Variants in SLTM observed in about 807,000 individuals in gnomAD.
SLTM encodes the protein SAFB-like transcription modulator.
Under a neutral mutation model 134.6 loss-of-function variants are expected in SLTM, and 43 were observed. The ratio of observed to expected loss-of-function variants is 0.32; its 90% CI spans 0.25 to 0.41. The LOEUF is 0.41. Among genes scored for constraint, SLTM ranks in the 10% least tolerant of loss-of-function variants. SLTM has a pLI of 1.00. For synonymous variants in SLTM, 424 were observed against 432.3 expected (o/e 0.98, Z 0.24); for missense variants, 1,055 against 1,288.8 (o/e 0.82, Z 2.78).
chr15:58,918,374 G>A (rs543417803), intron 2 of SLTM, among the ~76,000 whole-genome samples: 105 of 152,246 alleles, frequency 6.9e-4, no homozygotes, highest in Non-Finnish European at 9.0e-4. Context: ...AGGTTTAGCC[G>A]TTGGAATAAA....
intron 5 of SLTM, among the ~76,000 whole-genome samples, chr15:58,908,545 T>G (rs1238562283): frequency 6.6e-6 from 1 of 152,072 alleles, no homozygotes; most frequent in Non-Finnish European, 1.5e-5. Context: ...TAAAATTTTT[T>G]TTTTATAGAG....
chr15:58,919,425 T>C (rs1317713854), intron 2 of SLTM, among the ~76,000 whole-genome samples: 3 of 151,854 alleles, frequency 2.0e-5, no homozygotes, highest in Non-Finnish European at 4.4e-5. Context: ...GAGATCCCTA[T>C]CTCTTCAAAA....
intron 2 of SLTM, among the ~76,000 whole-genome samples, chr15:58,929,746 G>A (rs1421311601): frequency 6.6e-6 from 1 of 151,606 alleles, no homozygotes; most frequent in Non-Finnish European, 1.5e-5. Flanking sequence ...TTGTAAAATG[G>A]CAGAGAAAAC....
intron 2 of SLTM, among the ~76,000 whole-genome samples, chr15:58,929,542 T>C (rs12916751): frequency 0.66 from 100,263 of 152,086 alleles, 34,053 homozygotes; most frequent in Middle Eastern, 0.79. Context: ...GATATTTTAA[T>C]AAGTTTCCCT....
rs1168163199 is a variant in SLTM at position 58,899,877 on chromosome 15, C to A, written c.650G>T (p.Ser217Ile). ...EVSKPLPSEG[S>I]LAEADHTAHE... ...AGCTGTGTGATCAGCCTCAGCTAGG[C>A]TCCCTTCTGAAGGAAGAGGTTTAGA... Residue 217 changes from serine (S) to isoleucine (I), a missense_variant, in exon 7 of 21, where the codon AGC becomes ATC. By Grantham distance (142) the Ser-to-Ile change is moderately radical. Transcript: ENST00000380516. The surrounding 1 kb of genome is among the most constrained non-coding windows in gnomAD (Gnocchi z 5.0). 6.2e-7 allele frequency: 1 copy of A among 1,614,076 alleles called. No homozygotes were observed. Among genetic ancestry groups the A allele is most frequent in the Non-Finnish European group, 8.5e-7 (1 of 1,179,996 alleles).
At chr15:58,890,507 G>T (rs1233001638) in intron 14 of SLTM, 46 bp from the exon 15 acceptor site, 1 of 1,529,658 alleles carries the variant, frequency 6.5e-7, no homozygotes, top group Non-Finnish European at 8.8e-7. Flanking sequence ...TGCTAGCACT[G>T]TGTGAAAGAG....
At chr15:58,884,811 T>C (rs1377601678) in intron 19 of SLTM, among the ~76,000 whole-genome samples, 2 of 152,022 alleles carry the variant, frequency 1.3e-5, no homozygotes, top group Non-Finnish European at 2.9e-5. Flanking sequence ...ATTTTAATTT[T>C]CCTATGGAGA....
intron 16 of SLTM, 189 bp downstream of exon 16, chr15:58,889,241 G>C: frequency 1.8e-6 from 1 of 566,076 alleles, no homozygotes; most frequent in Non-Finnish European, 3.0e-6. Context: ...AAGGTAGACA[G>C]GGAAAGAAAC....
At chr15:58,901,064 G>A (rs2035455155) in intron 6 of SLTM, 196 bp downstream of exon 6, 6 of 554,032 alleles carry the variant, frequency 1.1e-5, no homozygotes, top group South Asian at 2.1e-5. Flanking sequence ...CTATTAAGTT[G>A]CAATATATCT....
intron 2 of SLTM, among the ~76,000 whole-genome samples, chr15:58,930,842 C>A (rs1214353807): frequency 6.7e-6 from 1 of 150,364 alleles, no homozygotes; most frequent in African/African-American, 2.4e-5. Context: ...GAAATTATTT[C>A]TAATAATAAG....
chr15:58,926,519 A>C (rs761600623), intron 2 of SLTM, among the ~76,000 whole-genome samples: 5 of 152,104 alleles, frequency 3.3e-5, no homozygotes, highest in Admixed American at 6.5e-5. Flanking sequence ...AATTATAAAC[A>C]TGTATATATA....
chr15:58,898,734 G>A (rs898536171), intron 8 of SLTM, 69 bp downstream of exon 8: 45 of 1,186,552 alleles, frequency 3.8e-5, no homozygotes, highest in African/African-American at 2.6e-4. Context: ...AAAACACCGC[G>A]CAACTACTAC....
rs1228527579 is a variant in SLTM at position 58,879,180 on chromosome 15, A to G, written c.*819T>C. On this transcript the variant is annotated 3_prime_UTR_variant, in exon 21 of 21. Transcript: ENST00000380516. Reference sequence around the variant, plus strand: ...TCCACTTCTCAACATAGTTGGGAACATGGAAACATTAATACCCACACAATT... The same window carrying G: ...TCCACTTCTCAACATAGTTGGGAACGTGGAAACATTAATACCCACACAATT... 3 of 152,236 alleles carry G rather than the reference A, an allele frequency of 2.0e-5. No homozygotes were observed. Among genetic ancestry groups the G allele is most frequent in the Non-Finnish European group, 4.4e-5 (3 of 68,046 alleles). The allele number at this position is 152,236 out of a possible 1,614,324, so 9.4% of individuals were successfully genotyped here.
intron 3 of SLTM, among the ~76,000 whole-genome samples, chr15:58,915,134 C>G (rs933075721): frequency 2.7e-4 from 41 of 151,834 alleles, no homozygotes; most frequent in Admixed American, 2.6e-3. Flanking sequence ...GAGGTTGCAG[C>G]GAGCTGACAT....
At chr15:58,920,001 A>T (rs1339868907) in intron 2 of SLTM, among the ~76,000 whole-genome samples, 1 of 152,174 alleles carries the variant, frequency 6.6e-6, no homozygotes, top group Non-Finnish European at 1.5e-5. Context: ...TCTAATAAGG[A>T]GTGGTGAATT....
Position 58,899,189 on chromosome 15 carries a change from AC to A in SLTM, c.1058+279del, listed in dbSNP as rs1360366628. 1 of 453,638 alleles carries A rather than the reference AC, an allele frequency of 2.2e-6. No individual in the cohort carries two copies. Among genetic ancestry groups the A allele is most frequent in the Non-Finnish European group, 3.9e-6 (1 of 259,188 alleles). The allele number at this position is 453,638 out of a possible 1,614,324, so 28.1% of individuals were successfully genotyped here. Reference sequence around the variant, plus strand: ...TCACAAGGATTTTAAAAAATAAAACACAAAAAAATTGTCAATTTGAAAAAAA... The same window carrying A: ...TCACAAGGATTTTAAAAAATAAAACAAAAAAAATTGTCAATTTGAAAAAAA... On this transcript the variant is annotated intron_variant, in intron 7 of 20. Coordinates refer to ENST00000380516, the MANE Select transcript of SLTM (RefSeq NM_024755.4). This position sits in a 1 kb window ranked among gnomAD's most constrained non-coding sequence, Gnocchi z 5.0.
chr15:58,920,665 A>AT (rs2036976563), intron 2 of SLTM, among the ~76,000 whole-genome samples: 10 of 146,772 alleles, frequency 6.8e-5, no homozygotes, highest in African/African-American at 2.5e-4. Context: ...AAATAAATAA[A>AT]AATTTTTTGG....
chr15:58,892,977 A>G lies in SLTM; in HGVS notation c.1818T>C (p.Pro606=). Reference sequence around the variant, plus strand: ...ACCTTTGTTCCTTCATCTTTTCAAAAGGCAAGATCTCTTTCCTTCTGTAGT... The same window carrying G: ...ACCTTTGTTCCTTCATCTTTTCAAAGGGCAAGATCTCTTTCCTTCTGTAGT... ...DKDYRRKEIL[P]FEKMKEQRLR... is the part of the protein sequence containing the mutation. The change falls in exon 14 of 21, where the codon CCT becomes CCC. Residue 606 remains proline (P), a synonymous_variant. Coordinates refer to ENST00000380516, the MANE Select transcript of SLTM (RefSeq NM_024755.4). 6.2e-7 allele frequency: 1 copy of G among 1,613,852 alleles called. No homozygotes were observed. Among genetic ancestry groups the G allele is most frequent in the South Asian group, 1.1e-5 (1 of 91,050 alleles).
At position 58,899,765 on chromosome 15, in the gene SLTM, A is replaced by G; in HGVS notation, c.762T>C (p.Thr254=). Residue 254 remains threonine, a synonymous_variant, in exon 7 of 21, where the codon ACT becomes ACC. Transcript: ENST00000380516. The surrounding 1 kb of genome is among the most constrained non-coding windows in gnomAD (Gnocchi z 5.0). ...GGAGGTCATCACCATCAAAATCCAGAGTGATGGCATCTTCAGCCTGGATTG... is the reference window on the plus strand; with the variant it reads ...GGAGGTCATCACCATCAAAATCCAGGGTGATGGCATCTTCAGCCTGGATTG... The part of the protein sequence containing the change: ...SVTIQAEDAI[T]LDFDGDDLLE... 1.2e-6 allele frequency: 2 copies of G among 1,614,086 alleles called. No homozygotes were observed. Among genetic ancestry groups the G allele is most frequent in the Non-Finnish European group, 1.7e-6 (2 of 1,179,998 alleles).
Sources: gnomAD v4.1 joint callset for allele counts (sites outside exome capture counted in the v4.1 genomes callset) on GRCh38, gnomAD v4.1.1 for gene constraint, Gnocchi (gnomAD v3.1) non-coding constraint, MANE v1.5 for transcripts, NCBI Gene and HGNC (gene_info 2026-07-23, HGNC 2026-07-21) for gene names.